The following CACNA1C variants were observed in gnomAD, a reference collection of about 807,000 sequenced individuals.
The protein encoded by CACNA1C is voltage-dependent L-type calcium channel subunit alpha-1C.
A neutral mutation model predicts 229.0 loss-of-function variants in CACNA1C; 30 were observed. That is an observed-to-expected ratio of 0.13 (90% CI 0.10 to 0.18). CACNA1C has a LOEUF of 0.18. Among genes scored for constraint, CACNA1C ranks in the 10% least tolerant of loss-of-function variants. CACNA1C has a pLI of 1.00. For synonymous variants in CACNA1C, 1,114 were observed against 1,132.5 expected, an observed-to-expected ratio of 0.98 and a Z score of 0.33; for missense variants, 1,658 against 2,845.0, an observed-to-expected ratio of 0.58 and a Z score of 9.49.
intron 3 of CACNA1C, among the ~76,000 whole-genome samples, chr12:2,345,585 C>T (rs1334183476): frequency 6.6e-6 from 1 of 152,214 alleles, no homozygotes; most frequent in Non-Finnish European, 1.5e-5. Flanking sequence ...TAAGAAACTT[C>T]TCTAAAATTG....
chr12:1,989,996 C>T (rs2038943200), intron 1 of CACNA1C, among the ~76,000 whole-genome samples: 2 of 152,110 alleles, frequency 1.3e-5, no homozygotes, highest in South Asian at 4.1e-4. Context: ...GGAGCGTACT[C>T]TAAAATAACT....
chr12:2,680,582 G>A, intron 42 of CACNA1C: 1 of 1,556,456 alleles, frequency 6.4e-7, no homozygotes, highest in Non-Finnish European at 8.7e-7. Flanking sequence ...CCAGGTTCTT[G>A]ACATGCTCGC....
intron 3 of CACNA1C, among the ~76,000 whole-genome samples, chr12:2,378,846 CCTTTT>C (rs535780663): frequency 3.3e-5 from 5 of 151,174 alleles, no homozygotes; most frequent in Admixed American, 6.6e-5. Context: ...TTTTTTCTTT[CCTTTT>C]CTTTTCTTTC....
chr12:2,278,296 A>G (rs902414008), intron 3 of CACNA1C, among the ~76,000 whole-genome samples: 1 of 152,218 alleles, frequency 6.6e-6, no homozygotes, highest in Admixed American at 6.5e-5. Flanking sequence ...CAAACTGCAC[A>G]TATTTCAACT....
intron 5 of CACNA1C, among the ~76,000 whole-genome samples, chr12:2,475,165 A>G (rs1054392947): frequency 2.0e-5 from 3 of 151,880 alleles, no homozygotes; most frequent in African/African-American, 2.4e-5. Flanking sequence ...CGGGCGCAGT[A>G]GTGGGCGCCT....
chr12:2,632,248 CT>C lies in CACNA1C; in HGVS notation c.3829-2047del, dbSNP rs1359441976. ...AGACAAATCTCTGTAGTACTCGGTC[CT>C]TCCCCCTCCACCCATGGGGAATATG... On this transcript the variant is annotated intron_variant, in intron 29 of 46. Coordinates refer to ENST00000399655, the MANE Select transcript of CACNA1C (RefSeq NM_000719.7). The surrounding 1 kb of genome is among the most constrained non-coding windows in gnomAD (Gnocchi z 4.1). Among the ~76,000 whole-genome samples the C allele has an allele frequency of 1.3e-5, 2 of 151,496 alleles. No individual in the cohort carries two copies. The highest frequency in any genetic ancestry group is 2.9e-5 in the Non-Finnish European group (2 of 67,930).
At chr12:1,997,483 T>A (rs11062054) in intron 1 of CACNA1C, among the ~76,000 whole-genome samples, 49,907 of 152,100 alleles carry the variant, frequency 0.33, 8,446 homozygotes, top group East Asian at 0.54. Flanking sequence ...GCTGTGATCG[T>A]GCCACTGCAC....
At position 2,665,517 on chromosome 12, in the gene CACNA1C, G is replaced by A; in HGVS notation, c.4399-64G>A. 6 of 1,589,588 alleles carry A rather than the reference G, an allele frequency of 3.8e-6. No homozygotes were observed. The highest frequency in any genetic ancestry group is 5.2e-6 in the Non-Finnish European group (6 of 1,163,568). ...CATCAGTAGGCCCCAGCTGGCAAGG[G>A]GGTTCCAGAGGCAGGTGTGTAGGAA... On this transcript the variant is annotated intron_variant, in intron 35 of 46. Coordinates refer to ENST00000399655, the MANE Select transcript of CACNA1C (RefSeq NM_000719.7). This position sits in a 1 kb window ranked among gnomAD's most constrained non-coding sequence, Gnocchi z 5.9.
intron 3 of CACNA1C, among the ~76,000 whole-genome samples, chr12:2,305,438 A>T (rs1279048271): frequency 6.6e-6 from 1 of 152,086 alleles, no homozygotes; most frequent in Non-Finnish European, 1.5e-5. Context: ...CCTTCTGTTG[A>T]TTTGTCCTAC....
chr12:2,631,282 C>T (rs1234021742), intron 29 of CACNA1C, among the ~76,000 whole-genome samples: 1 of 152,170 alleles, frequency 6.6e-6, no homozygotes, highest in Non-Finnish European at 1.5e-5. Context: ...CTCTCCTCCT[C>T]CTCCCACACC....
At chr12:2,318,607 C>G (rs2095812621) in intron 3 of CACNA1C, among the ~76,000 whole-genome samples, 1 of 152,206 alleles carries the variant, frequency 6.6e-6, no homozygotes, top group African/African-American at 2.4e-5. Context: ...GCTAAGGGTC[C>G]CAGAAATCAG....
chr12:2,058,161 G>T (rs1189550799), intron 1 of CACNA1C, among the ~76,000 whole-genome samples: 1 of 152,106 alleles, frequency 6.6e-6, no homozygotes, highest in African/African-American at 2.4e-5. Context: ...AGTTCCATGA[G>T]GTCTGAGAAG....
At chr12:2,613,887 A>T (rs1339448165) in intron 29 of CACNA1C, 1 of 152,412 alleles carries the variant, frequency 6.6e-6, no homozygotes, top group Non-Finnish European at 1.5e-5. Context: ...AACTGGCATC[A>T]TTTTCATACA....
At chr12:2,487,860 C>T (rs2099703333) in intron 6 of CACNA1C, among the ~76,000 whole-genome samples, 1 of 152,078 alleles carries the variant, frequency 6.6e-6, no homozygotes, top group African/African-American at 2.4e-5. Flanking sequence ...AGCTCAGAAC[C>T]AATAAATTTA....
chr12:2,461,936 G>A (rs2099508306), intron 5 of CACNA1C, among the ~76,000 whole-genome samples: 1 of 152,076 alleles, frequency 6.6e-6, no homozygotes, highest in South Asian at 2.1e-4. Flanking sequence ...CATTCAAACG[G>A]CCCTCTGAAC....
intron 34 of CACNA1C, among the ~76,000 whole-genome samples, chr12:2,658,714 A>T (rs745563442): frequency 6.6e-6 from 1 of 152,180 alleles, no homozygotes; most frequent in Non-Finnish European, 1.5e-5. Flanking sequence ...AGGAGATGAC[A>T]GCTCCATGCA....
At chr12:2,641,933 T>C (rs1220814223) in intron 30 of CACNA1C, among the ~76,000 whole-genome samples, 1 of 152,062 alleles carries the variant, frequency 6.6e-6, no homozygotes, top group African/African-American at 2.4e-5. Flanking sequence ...CCATCAGCAG[T>C]CCCCTGGGAG....
At chr12:2,303,055 C>T (rs942064115) in intron 3 of CACNA1C, among the ~76,000 whole-genome samples, 3 of 152,248 alleles carry the variant, frequency 2.0e-5, no homozygotes, top group East Asian at 1.9e-4. Flanking sequence ...AGGACGGAGG[C>T]GGGAAACCGG....
chr12:2,077,904 T>C (rs1001039231), intron 1 of CACNA1C, among the ~76,000 whole-genome samples: 2 of 152,226 alleles, frequency 1.3e-5, no homozygotes, highest in East Asian at 3.8e-4. Flanking sequence ...TCATACTACT[T>C]GCATACTATA....
Sources: gnomAD v4.1 joint callset for allele counts (sites outside exome capture counted in the v4.1 genomes callset) on GRCh38, gnomAD v4.1.1 for gene constraint, Gnocchi (gnomAD v3.1) non-coding constraint, MANE v1.5 for transcripts, NCBI Gene and HGNC (gene_info 2026-07-23, HGNC 2026-07-21) for gene names.